The following SLC24A2 variants were observed in gnomAD, a reference collection of about 807,000 sequenced individuals.
The protein encoded by SLC24A2 is solute carrier family 24 member 2, also known as sodium/potassium/calcium exchanger 2.
Under a neutral mutation model 62.0 loss-of-function variants are expected in SLC24A2, and 36 were observed. That is an observed-to-expected ratio of 0.58 (90% confidence interval 0.44 to 0.77). The LOEUF is 0.77. SLC24A2 is among the 30% of genes least tolerant of loss of function. The probability of loss-of-function intolerance (pLI) is 0.00; values close to 1 mark genes in which losing one functional copy is unlikely to be tolerated. For synonymous variants in SLC24A2, 358 were observed against 294.0 expected (o/e 1.22, Z -2.23); for missense variants, 846 against 817.9 (o/e 1.03, Z -0.42).
intron 2 of SLC24A2, among the ~76,000 whole-genome samples, chr9:19,637,134 G>C (rs12551557): frequency 6.6e-6 from 1 of 152,092 alleles, no homozygotes; most frequent in Non-Finnish European, 1.5e-5. Flanking sequence ...AGCCCATCCA[G>C]TTGACAGCCT....
At chr9:19,742,482 CT>C (rs1474540592) in intron 2 of SLC24A2, among the ~76,000 whole-genome samples, 1 of 152,162 alleles carries the variant, frequency 6.6e-6, no homozygotes, top group East Asian at 1.9e-4. Context: ...AAGTTAGGAA[CT>C]TCAGGAGAGA....
the SLC24A2 span, among the ~76,000 whole-genome samples, chr9:20,131,958 AT>A: frequency 2.7e-4 from 41 of 152,272 alleles, no homozygotes; most frequent in South Asian, 8.5e-3. Context: ...AGTTTATGTA[AT>A]TAAGTGTAAT....
chr9:20,085,614 T>A, the SLC24A2 span, among the ~76,000 whole-genome samples: 1 of 152,236 alleles, frequency 6.6e-6, no homozygotes, highest in African/African-American at 2.4e-5. Flanking sequence ...TTCTTTCTAC[T>A]CATTCAGTTC....
chr9:20,123,995 T>G, the SLC24A2 span, among the ~76,000 whole-genome samples: 1 of 152,204 alleles, frequency 6.6e-6, no homozygotes, highest in Non-Finnish European at 1.5e-5. Flanking sequence ...TTATTAGGCT[T>G]AAAATACCAG....
At position 19,565,325 on chromosome 9, in the gene SLC24A2, A is replaced by C. The variant is rs535142351; in HGVS notation, c.1347+8026T>G. On this transcript the variant is annotated intron_variant, in intron 7 of 10. Transcript: ENST00000341998. ...AAGCATTCTTATACACCAACAACAGACAAACAGAGAGCCAAATCATGAGTG... is the reference window on the plus strand; with the variant it reads ...AAGCATTCTTATACACCAACAACAGCCAAACAGAGAGCCAAATCATGAGTG... Among the ~76,000 whole-genome samples the C allele has an allele frequency of 2.2e-3, 259 of 119,898 alleles. 1 individual carries two copies. The highest frequency in any genetic ancestry group is 8.3e-3 in the African/African-American group (250 of 30,104). 78.7% of individuals were successfully genotyped at this position (119,898 alleles called of 152,430 possible).
chr9:19,847,924 C>T, the SLC24A2 span, among the ~76,000 whole-genome samples: 1 of 152,174 alleles, frequency 6.6e-6, no homozygotes, highest in African/African-American at 2.4e-5. Context: ...ATAGACAAGG[C>T]TCTCAGCCTC....
chr9:19,628,896 T>C (rs1248488904), intron 2 of SLC24A2, among the ~76,000 whole-genome samples: 1 of 152,210 alleles, frequency 6.6e-6, no homozygotes, highest in Non-Finnish European at 1.5e-5. Flanking sequence ...AAAGCTGTCC[T>C]GGGCTGCTTG....
the SLC24A2 span, among the ~76,000 whole-genome samples, chr9:20,218,545 G>A: frequency 2.0e-5 from 3 of 152,100 alleles, no homozygotes; most frequent in Non-Finnish European, 4.4e-5. Context: ...TAAGTGAGGG[G>A]TTTCTAAACT....
chr9:19,622,152 C>T (rs1255894419), intron 3 of SLC24A2, 109 bp downstream of exon 3: 4 of 873,290 alleles, frequency 4.6e-6, no homozygotes, highest in Non-Finnish European at 5.8e-6. Context: ...TTTAAGTATT[C>T]CAAGGGAGAG....
intron 2 of SLC24A2, among the ~76,000 whole-genome samples, chr9:19,760,053 C>T (rs555391712): frequency 1.3e-5 from 2 of 152,176 alleles, no homozygotes; most frequent in South Asian, 4.2e-4. Flanking sequence ...TCAATATTCA[C>T]CAAGGAATTT....
the SLC24A2 span, among the ~76,000 whole-genome samples, chr9:20,299,482 A>C: frequency 2.0e-5 from 3 of 152,348 alleles, no homozygotes; most frequent in South Asian, 6.2e-4. Context: ...TGTGATGCCC[A>C]TCGAACATGA....
the SLC24A2 span, among the ~76,000 whole-genome samples, chr9:20,121,815 C>T: frequency 6.6e-6 from 1 of 152,158 alleles, no homozygotes; most frequent in Non-Finnish European, 1.5e-5. Context: ...TTAACACATA[C>T]ATCTTGGAGA....
Position 19,516,233 on chromosome 9 carries a change from T to G in SLC24A2, c.1906A>C (p.Met636Leu). 6.2e-7 allele frequency: 1 copy of G among 1,614,020 alleles called. No individual in the cohort carries two copies. Among genetic ancestry groups the G allele is most frequent in the South Asian group, 1.1e-5 (1 of 91,066 alleles). ...WRMNKILGFI[M>L]FGLYFVFLVV... ...AGGAACACAAAGTAGAGGCCAAACA[T>G]GATGAAGCCCAGGATTTTGTTCATT... The change falls in exon 11 of 11, where the codon ATG (methionine) becomes CTG (leucine). Residue 636 changes from methionine to leucine, a missense_variant. By Grantham distance (15) the Met-to-Leu change is conservative. Transcript: ENST00000341998.
chr9:19,821,191 T>A, the SLC24A2 span, among the ~76,000 whole-genome samples: 98 of 152,140 alleles, frequency 6.4e-4, 1 homozygote, highest in Non-Finnish European at 1.0e-4. Context: ...CTGTGAGGAT[T>A]CAGAAACAGA....
At chr9:19,620,796 A>G (rs749873691) in intron 3 of SLC24A2, among the ~76,000 whole-genome samples, 26 of 152,340 alleles carry the variant, frequency 1.7e-4, no homozygotes, top group Middle Eastern at 3.4e-3. Context: ...TTTCTTATTG[A>G]ACTTTCAGCG....
the SLC24A2 span, among the ~76,000 whole-genome samples, chr9:20,054,782 T>C: frequency 9.2e-5 from 14 of 152,284 alleles, no homozygotes; most frequent in African/African-American, 1.7e-4. Flanking sequence ...AACTCTAACA[T>C]GGTGAGGAAT....
At chr9:19,829,951 ATCTT>A in the SLC24A2 span, among the ~76,000 whole-genome samples, 1 of 151,492 alleles carries the variant, frequency 6.6e-6, no homozygotes, top group South Asian at 2.1e-4. Context: ...TCCAGTTTCA[ATCTT>A]TCTTTCTTTC....
the SLC24A2 span, among the ~76,000 whole-genome samples, chr9:20,217,786 T>C: frequency 3.3e-4 from 50 of 152,320 alleles, no homozygotes; most frequent in African/African-American, 1.2e-3. Context: ...TGTTTTGGCT[T>C]CCTTTACTTC....
At chr9:19,555,931 C>A (rs541064381) in intron 7 of SLC24A2, among the ~76,000 whole-genome samples, 3 of 152,090 alleles carry the variant, frequency 2.0e-5, no homozygotes, top group African/African-American at 7.2e-5. Context: ...GCAACACAGA[C>A]TCCATCTTGG....
Sources: allele counts gnomAD v4.1 joint callset (sites outside exome capture counted in the v4.1 genomes callset), GRCh38; gene constraint gnomAD v4.1.1; transcripts MANE v1.5; gene names NCBI Gene and HGNC (gene_info 2026-07-23, HGNC 2026-07-21).